Variants in ANO2 observed in about 807,000 individuals in gnomAD.
ANO2 encodes anoctamin 2.
A neutral mutation model predicts 124.2 loss-of-function variants in ANO2; 101 were observed. That is an observed-to-expected ratio of 0.81 (90% CI 0.69 to 0.96). ANO2 has a LOEUF of 0.96. Among genes scored for constraint, ANO2 ranks in the 40% least tolerant of loss-of-function variants. ANO2 has a pLI of 0.00. For missense variants in ANO2, 1,293 were observed against 1,274.5 expected, an observed-to-expected ratio of 1.01 and a Z score of -0.22; for synonymous variants, 486 against 482.5, an observed-to-expected ratio of 1.01 and a Z score of -0.09.
chr12:5,879,439 C>A (rs1009000301), intron 3 of ANO2, among the ~76,000 whole-genome samples: 1 of 152,164 alleles, frequency 6.6e-6, no homozygotes, highest in Non-Finnish European at 1.5e-5. Flanking sequence ...TAAGCACGTG[C>A]TAAGTAAGCT....
At chr12:5,814,333 C>G (rs1953533066) in intron 7 of ANO2, among the ~76,000 whole-genome samples, 1 of 152,210 alleles carries the variant, frequency 6.6e-6, no homozygotes, top group Non-Finnish European at 1.5e-5. Flanking sequence ...GCTATTTGTT[C>G]CTATTGGGAC....
chr12:5,611,722 G>A (rs866435761), intron 19 of ANO2, among the ~76,000 whole-genome samples: 8 of 152,236 alleles, frequency 5.3e-5, no homozygotes, highest in Non-Finnish European at 8.8e-5. Flanking sequence ...ATTATTGGAG[G>A]ACTTCTCAAA....
chr12:5,913,323 G>T (rs986109680), intron 3 of ANO2, among the ~76,000 whole-genome samples: 6 of 152,172 alleles, frequency 3.9e-5, no homozygotes, highest in Non-Finnish European at 7.4e-5. Flanking sequence ...GCCCTGTGAG[G>T]TGATGGACTG....
intron 16 of ANO2, among the ~76,000 whole-genome samples, chr12:5,620,156 G>A (rs1003483194): frequency 6.6e-6 from 1 of 152,234 alleles, no homozygotes; most frequent in Admixed American, 6.5e-5. Context: ...CTCCAAAACT[G>A]AGCAAGTTAA....
At position 5,610,568 on chromosome 12, in the gene ANO2, CAAATATATTTATATTTATATTTAT is replaced by C. The variant is rs1378863544; in HGVS notation, c.2087+2064_2087+2087del. Among the ~76,000 whole-genome samples the C allele has an allele frequency of 8.7e-4, 119 of 136,668 alleles. 1 individual carries two copies. The East Asian group carries it at 0.016, about 18-fold the overall frequency. 89.7% of individuals were successfully genotyped at this position (136,668 alleles called of 152,430 possible). ...TATGTTTTATAAAATATATATAAAA[CAAATATATTTATATTTATATTTAT>C]AAATATATTTATATTTATATATGTA... On this transcript the variant is annotated intron_variant, in intron 19 of 24. Coordinates refer to ENST00000682330, the MANE Select transcript of ANO2 (RefSeq NM_001364791.2).
chr12:5,848,671 A>G (rs1322296091), intron 4 of ANO2, among the ~76,000 whole-genome samples: 2 of 152,202 alleles, frequency 1.3e-5, no homozygotes, highest in Non-Finnish European at 2.9e-5. Flanking sequence ...AGACGCCCCA[A>G]GGACCCGCGC....
chr12:5,761,384 T>A (rs1449806471), intron 10 of ANO2, among the ~76,000 whole-genome samples: 2 of 152,174 alleles, frequency 1.3e-5, no homozygotes, highest in African/African-American at 2.4e-5. Context: ...ATAAGATTAC[T>A]TAGCAAGGGC....
intron 10 of ANO2, among the ~76,000 whole-genome samples, chr12:5,760,910 T>G (rs761051046): frequency 1.4e-4 from 21 of 152,172 alleles, no homozygotes; most frequent in Non-Finnish European, 1.9e-4. Flanking sequence ...TGTGTAAAAG[T>G]TGACAGCCAG....
intron 4 of ANO2, among the ~76,000 whole-genome samples, chr12:5,844,673 T>C (rs1316773458): frequency 6.6e-6 from 1 of 152,170 alleles, no homozygotes; most frequent in Non-Finnish European, 1.5e-5. Flanking sequence ...CAATATCATT[T>C]TTAAAAATGA....
chr12:5,877,116 T>C (rs1262483045), intron 3 of ANO2, among the ~76,000 whole-genome samples: 2 of 152,162 alleles, frequency 1.3e-5, no homozygotes, highest in Non-Finnish European at 2.9e-5. Flanking sequence ...TGTGACCTTA[T>C]TTATGGAAGA....
At chr12:5,865,633 T>C (rs548316000) in intron 3 of ANO2, among the ~76,000 whole-genome samples, 1 of 151,880 alleles carries the variant, frequency 6.6e-6, no homozygotes, top group Admixed American at 6.5e-5. Flanking sequence ...CATCACACCA[T>C]CATACCATCA....
At chr12:5,690,878 T>A (rs987160543) in intron 14 of ANO2, among the ~76,000 whole-genome samples, 4 of 152,190 alleles carry the variant, frequency 2.6e-5, no homozygotes, top group African/African-American at 9.7e-5. Context: ...CCTAAAATAA[T>A]TTTTCAATTT....
At chr12:5,638,490 C>G (rs1946158303) in intron 15 of ANO2, among the ~76,000 whole-genome samples, 1 of 141,940 alleles carries the variant, frequency 7.0e-6, no homozygotes, top group Admixed American at 6.9e-5. Context: ...CCACCTCGGC[C>G]TCCCAAAGTG....
chr12:5,767,398 G>C (rs1268658557), intron 10 of ANO2, among the ~76,000 whole-genome samples: 3 of 152,190 alleles, frequency 2.0e-5, no homozygotes, highest in African/African-American at 7.2e-5. Context: ...GGCCAACGTG[G>C]TTTCTGCATG....
intron 10 of ANO2, among the ~76,000 whole-genome samples, chr12:5,783,771 A>T (rs2137137822): frequency 6.6e-6 from 1 of 152,190 alleles, no homozygotes; most frequent in Middle Eastern, 3.4e-3. Flanking sequence ...TGCCTTCCTC[A>T]TCTGAGGTTT....
chr12:5,827,661 C>G (rs1954008088), intron 7 of ANO2, 108 bp downstream of exon 7: 1 of 1,284,028 alleles, frequency 7.8e-7, no homozygotes, highest in African/African-American at 1.5e-5. Context: ...CCGTGGGGGG[C>G]ATTTGCTTGT....
intron 3 of ANO2, among the ~76,000 whole-genome samples, chr12:5,877,362 T>C (rs777884715): frequency 1.3e-5 from 2 of 152,352 alleles, no homozygotes; most frequent in African/African-American, 4.8e-5. Flanking sequence ...CCCACCCTGC[T>C]GGCACTTTCA....
chr12:5,685,615 C>T (rs1226605195), intron 14 of ANO2, among the ~76,000 whole-genome samples: 4 of 152,110 alleles, frequency 2.6e-5, no homozygotes, highest in Non-Finnish European at 5.9e-5. Flanking sequence ...GAAATGCTGC[C>T]TCTACAAAAA....
At chr12:5,946,079 C>G, upstream of ANO2, 1 of 1,557,912 alleles carries the variant, frequency 6.4e-7, no homozygotes, top group South Asian at 1.1e-5. This position sits in a 1 kb window ranked among gnomAD's most constrained non-coding sequence, Gnocchi z 4.1. Flanking sequence ...AAAACAAGTT[C>G]ATTAATACCA....
Sources: allele counts gnomAD v4.1 joint callset (sites outside exome capture counted in the v4.1 genomes callset), GRCh38; gene constraint gnomAD v4.1.1; non-coding constraint Gnocchi (gnomAD v3.1); transcripts MANE v1.5; gene names NCBI Gene and HGNC (gene_info 2026-07-23, HGNC 2026-07-21).